LYN: variants seen among roughly 807,000 people sequenced by gnomAD.
LYN encodes the protein tyrosine-protein kinase Lyn.
A neutral mutation model predicts 65.0 loss-of-function variants in LYN; 12 were observed. The observed-to-expected ratio is 0.18, with a 90% CI of 0.12 to 0.30. The LOEUF (loss-of-function observed/expected upper bound fraction) is 0.30. Ranked by LOEUF, LYN falls within the 10% of genes least tolerant of loss-of-function variation. The pLI is 1.00. For missense variants in LYN, 380 were observed against 623.2 expected (o/e 0.61, Z 4.16); for synonymous variants, 222 against 221.2 (o/e 1.00, Z -0.03).
At chr8:55,995,059 G>T (rs1272428163) in intron 10 of LYN, among the ~76,000 whole-genome samples, 1 of 152,170 alleles carries the variant, frequency 6.6e-6, no homozygotes, top group Non-Finnish European at 1.5e-5. Flanking sequence ...GCAGACAAAA[G>T]GAAACAGAGG....
At chr8:55,934,795 A>G (rs1185548023) in intron 1 of LYN, among the ~76,000 whole-genome samples, 4 of 152,134 alleles carry the variant, frequency 2.6e-5, no homozygotes, top group East Asian at 1.9e-4. Context: ...CCCTTTCCCA[A>G]TTGACCCTCA....
At chr8:55,972,522 C>T (rs78417506) in intron 10 of LYN, among the ~76,000 whole-genome samples, 1,662 of 152,308 alleles carry the variant, frequency 0.011, 30 homozygotes, top group African/African-American at 0.038. Context: ...CTGCTCACTG[C>T]GCCTGCTCCC....
rs1340485156 is a variant in LYN, at chr8:55,911,144, C to CACATATATATATATAT, written c.-5-30711_-5-30710insACATATATATATATAT. The stretch of plus-strand genomic sequence containing the variant: ...ATATATATACACATACATATATATA[C>CACATATATATATATAT]GTGTATATATATGTACATATATATA... On this transcript the variant is annotated intron_variant, in intron 1 of 12. Coordinates refer to ENST00000519728, the MANE Select transcript of LYN (RefSeq NM_002350.4). 8.8e-5 allele frequency among the ~76,000 whole-genome samples: 2 copies of CACATATATATATATAT among 22,658 alleles called. 1 individual carries two copies. The highest frequency in any genetic ancestry group is 1.4e-4 in the Non-Finnish European group (2 of 13,886). 14.9% of individuals were successfully genotyped at this position (22,658 alleles called of 152,430 possible).
intron 10 of LYN, among the ~76,000 whole-genome samples, chr8:55,982,677 T>C (rs1033807926): frequency 2.6e-5 from 4 of 152,190 alleles, no homozygotes; most frequent in Admixed American, 1.3e-4. Flanking sequence ...CACAGCCCTG[T>C]CATCATTCCA....
intron 1 of LYN, among the ~76,000 whole-genome samples, chr8:55,933,452 G>A (rs1806327161): frequency 6.6e-6 from 1 of 152,166 alleles, no homozygotes; most frequent in African/African-American, 2.4e-5. Context: ...GTAGCCCCCA[G>A]TTATTTTCTT....
At chr8:55,951,156 T>A (rs1341859162) in intron 6 of LYN, among the ~76,000 whole-genome samples, 1 of 151,546 alleles carries the variant, frequency 6.6e-6, no homozygotes, top group Non-Finnish European at 1.5e-5. Flanking sequence ...GGTAGGAAGA[T>A]CACCTGAACC....
chr8:55,937,353 A>G (rs1806464279), intron 1 of LYN, among the ~76,000 whole-genome samples: 1 of 152,220 alleles, frequency 6.6e-6, no homozygotes, highest in South Asian at 2.1e-4. Flanking sequence ...CAACAGCCTA[A>G]TTTAAATATG....
chr8:55,995,424 C>T (rs572832922), intron 10 of LYN, among the ~76,000 whole-genome samples: 1 of 152,204 alleles, frequency 6.6e-6, no homozygotes, highest in Non-Finnish European at 1.5e-5. Flanking sequence ...TTCCTACTGT[C>T]CGTCTGGTTT....
chr8:55,938,074 C>T (rs953525636), intron 1 of LYN, among the ~76,000 whole-genome samples: 2 of 152,182 alleles, frequency 1.3e-5, no homozygotes, highest in Non-Finnish European at 1.5e-5. Flanking sequence ...TAAAATCACT[C>T]TTCTAATATT....
chr8:55,966,366 T>A (rs1256547433), intron 8 of LYN, among the ~76,000 whole-genome samples: 1 of 75,538 alleles, frequency 1.3e-5, no homozygotes, highest in African/African-American at 4.7e-5. Context: ...AGTGAAGTTT[T>A]AATTTTTTTT....
intron 1 of LYN, among the ~76,000 whole-genome samples, chr8:55,932,375 CATTT>C (rs1806295899): frequency 1.3e-5 from 2 of 151,904 alleles, no homozygotes; most frequent in Non-Finnish European, 2.9e-5. Context: ...AAAAATAGAA[CATTT>C]GTCAAAATCT....
At chr8:55,895,286 A>G (rs767991472) in intron 1 of LYN, among the ~76,000 whole-genome samples, 1 of 152,182 alleles carries the variant, frequency 6.6e-6, no homozygotes, top group Non-Finnish European at 1.5e-5. Context: ...CCAGAGCAGA[A>G]CAGTTTCCAA....
At chr8:55,941,065 A>G (rs1221948505) in intron 1 of LYN, among the ~76,000 whole-genome samples, 1 of 152,100 alleles carries the variant, frequency 6.6e-6, no homozygotes, top group Non-Finnish European at 1.5e-5. Flanking sequence ...ATTCATTTCC[A>G]GTCTTGATGA....
chr8:55,982,107 C>T (rs141999680), intron 10 of LYN, among the ~76,000 whole-genome samples: 7 of 152,194 alleles, frequency 4.6e-5, no homozygotes, highest in Admixed American at 2.0e-4. Context: ...GATGGGCTGG[C>T]GGATTCTTAA....
At chr8:55,979,650 T>C (rs1324280709) in intron 10 of LYN, among the ~76,000 whole-genome samples, 1 of 152,186 alleles carries the variant, frequency 6.6e-6, no homozygotes, top group African/African-American at 2.4e-5. Context: ...GTTTGGTGCC[T>C]GGAATGCATT....
At chr8:55,889,147 C>T (rs1351072085) in intron 1 of LYN, among the ~76,000 whole-genome samples, 2 of 152,114 alleles carry the variant, frequency 1.3e-5, no homozygotes, top group African/African-American at 4.8e-5. Flanking sequence ...TACTGGGTAG[C>T]TAGGATTACA....
rs1353587946 is a variant in LYN, at chr8:56,013,729, C to T, written c.*3619C>T. ...TCCCCAGCTCTTCTGATGTCACTGC[C>T]AGGTTCCACAGCCAGTTGTCGGACA... On this transcript the variant is annotated 3_prime_UTR_variant, in exon 13 of 13. Coordinates refer to ENST00000519728, the MANE Select transcript of LYN (RefSeq NM_002350.4). 3 of 152,246 alleles carry T rather than the reference C, an allele frequency of 2.0e-5. No individual in the cohort carries two copies. Among genetic ancestry groups the T allele is most frequent in the Admixed American group, 2.0e-4 (3 of 15,272 alleles). The allele number at this position is 152,246 out of a possible 1,614,324, so 9.4% of individuals were successfully genotyped here.
chr8:55,975,219 T>C (rs1807721105), intron 10 of LYN, among the ~76,000 whole-genome samples: 1 of 152,182 alleles, frequency 6.6e-6, no homozygotes, highest in African/African-American at 2.4e-5. Flanking sequence ...AGTATACAAA[T>C]GTTAACACAG....
intron 10 of LYN, among the ~76,000 whole-genome samples, chr8:55,984,499 A>G (rs1343012568): frequency 6.6e-6 from 1 of 152,232 alleles, no homozygotes; most frequent in Non-Finnish European, 1.5e-5. Context: ...ACTCAAAGTC[A>G]TTCTTGACCC....
Sources: allele counts gnomAD v4.1 joint callset (sites outside exome capture counted in the v4.1 genomes callset), GRCh38; gene constraint gnomAD v4.1.1; transcripts MANE v1.5; gene names NCBI Gene and HGNC (gene_info 2026-07-23, HGNC 2026-07-21).